DMD: variants seen among roughly 807,000 people sequenced by gnomAD.
DMD encodes the protein dystrophin.
DMD carries 63 observed loss-of-function variants against 330.1 expected under a neutral mutation model. That is an observed-to-expected ratio of 0.19 (90% CI 0.16 to 0.24). The LOEUF (loss-of-function observed/expected upper bound fraction) is 0.24, where lower values mean the gene tolerates loss of function less well. Among genes scored for constraint, DMD ranks in the 10% least tolerant of loss-of-function variants. The probability of loss-of-function intolerance (pLI) is 1.00; values close to 1 mark genes in which losing one functional copy is unlikely to be tolerated. For synonymous variants in DMD, 1,223 were observed against 959.8 expected (o/e 1.27, Z -5.07); for missense variants, 3,344 against 2,684.1 (o/e 1.25, Z -5.43).
At chrX:33,041,254 T>C in intron 1 of DMD, 1 of 539,151 alleles carries the variant, frequency 1.9e-6, no homozygotes, top group Non-Finnish European at 3.1e-6. Flanking sequence ...CTATAATGAT[T>C]TATTATAAAA....
At chrX:31,252,946 G>A (rs1420443245) in intron 63 of DMD, among the ~76,000 whole-genome samples, 1 of 110,551 alleles carries the variant, frequency 9.0e-6, no homozygotes, top group Non-Finnish European at 1.9e-5. Flanking sequence ...AGATGAGATC[G>A]TGCAACTGCA....
At chrX:32,773,270 T>G (rs756734063) in intron 7 of DMD, among the ~76,000 whole-genome samples, 1 of 110,531 alleles carries the variant, frequency 9.0e-6, no homozygotes, top group Admixed American at 9.6e-5. Context: ...TCGTTAATTA[T>G]TTTAGTTATT....
At chrX:33,059,756 T>A (rs1023886950) in intron 1 of DMD, among the ~76,000 whole-genome samples, 1 of 112,171 alleles carries the variant, frequency 8.9e-6, no homozygotes, top group Non-Finnish European at 1.9e-5. Context: ...AGGTATGTTA[T>A]AGAATAGAAA....
At chrX:32,423,853 A>T (rs1484974209) in intron 29 of DMD, among the ~76,000 whole-genome samples, 1 of 110,972 alleles carries the variant, frequency 9.0e-6, no homozygotes, top group Non-Finnish European at 1.9e-5. Flanking sequence ...AATATTATTA[A>T]AAACAAGAAT....
At chrX:32,370,560 T>C (rs1001597649) in intron 34 of DMD, among the ~76,000 whole-genome samples, 1 of 110,918 alleles carries the variant, frequency 9.0e-6, no homozygotes. Context: ...TGACAGTGAA[T>C]AGTGACTCCA....
intron 63 of DMD, among the ~76,000 whole-genome samples, chrX:31,228,275 T>TAAAAAAAAAAAAAAAAAAAAAAAAAAAAA (rs779738772): frequency 2.4e-5 from 2 of 83,988 alleles, no homozygotes; most frequent in Non-Finnish European, 4.8e-5. Flanking sequence ...AATAAAAAAA[T>TAAAAAAAAAAAAAAAAAAAAAAAAAAAAA]AAAAAAAAAA....
chrX:32,686,167 A>G lies in DMD; in HGVS notation c.960+11703T>C, dbSNP rs141035373. Among the ~76,000 whole-genome samples, 844 of 111,875 alleles carry G rather than the reference A, an allele frequency of 7.5e-3. 5 individuals are homozygous for G. Among genetic ancestry groups the G allele is most frequent in the Non-Finnish European group, 0.012 (614 of 53,180 alleles). ...ACATTTTTTCACTGATATTATTTGT[A>G]GATAAAGACCACAATATGCAAGGAT... On this transcript the variant is annotated intron_variant, in intron 9 of 78. Transcript: ENST00000357033.
intron 2 of DMD, among the ~76,000 whole-genome samples, chrX:32,983,528 TACACACACACACACACACACACAC>T (rs561986393): frequency 2.7e-5 from 2 of 73,576 alleles, no homozygotes; most frequent in South Asian, 8.6e-4. Context: ...CAGAACTAAA[TACACACACACACACACACACACAC>T]ACACACACAC....
intron 16 of DMD, among the ~76,000 whole-genome samples, chrX:32,547,929 A>G (rs1443717030): frequency 3.6e-5 from 4 of 111,734 alleles, no homozygotes; most frequent in Non-Finnish European, 7.5e-5. Context: ...AGTAAATTGA[A>G]TATCATTTCT....
intron 47 of DMD, among the ~76,000 whole-genome samples, chrX:31,912,788 A>C (rs1431097116): frequency 8.9e-6 from 1 of 111,860 alleles, no homozygotes; most frequent in Non-Finnish European, 1.9e-5. Context: ...TGGCAGCCCC[A>C]CAATTAATCA....
At chrX:32,257,818 G>C (rs745765041) in intron 43 of DMD, among the ~76,000 whole-genome samples, 1 of 111,514 alleles carries the variant, frequency 9.0e-6, no homozygotes, top group Admixed American at 9.5e-5. Flanking sequence ...TTGACAAATG[G>C]GATCTAATGA....
chrX:32,899,244 T>C (rs745491260), intron 2 of DMD, among the ~76,000 whole-genome samples: 2 of 112,384 alleles, frequency 1.8e-5, no homozygotes, highest in Non-Finnish European at 3.8e-5. Flanking sequence ...CTTCACCTAT[T>C]TCCATTCCCT....
At chrX:31,707,565 G>T (rs1388119480) in intron 52 of DMD, among the ~76,000 whole-genome samples, 1 of 110,814 alleles carries the variant, frequency 9.0e-6, no homozygotes, top group South Asian at 3.8e-4. Flanking sequence ...TCAGCATCAT[G>T]CAATACTCCC....
chrX:32,576,990 C>T (rs1358645363), intron 13 of DMD, among the ~76,000 whole-genome samples: 2 of 111,491 alleles, frequency 1.8e-5, no homozygotes, highest in African/African-American at 6.5e-5. Flanking sequence ...GAAGATGTTA[C>T]AGGCTCAATT....
intron 44 of DMD, among the ~76,000 whole-genome samples, chrX:32,165,108 G>A (rs918590034): frequency 6.2e-5 from 7 of 112,417 alleles, no homozygotes; most frequent in African/African-American, 2.3e-4. Flanking sequence ...GAAATGTGGG[G>A]TTGGAGCCCC....
intron 9 of DMD, among the ~76,000 whole-genome samples, chrX:32,681,565 C>T (rs1487691491): frequency 9.0e-6 from 1 of 111,684 alleles, no homozygotes; most frequent in Non-Finnish European, 1.9e-5. Flanking sequence ...AAACCCTGAA[C>T]AATATATTAG....
At chrX:31,614,915 T>C (rs2078116146) in intron 55 of DMD, among the ~76,000 whole-genome samples, 1 of 112,175 alleles carries the variant, frequency 8.9e-6, no homozygotes, top group Admixed American at 9.4e-5. Flanking sequence ...TGTTTTATTA[T>C]CAGAATTATG....
chrX:31,452,764 G>C (rs1315211566), intron 59 of DMD, among the ~76,000 whole-genome samples: 1 of 112,097 alleles, frequency 8.9e-6, no homozygotes, highest in Non-Finnish European at 1.9e-5. Context: ...AATAAAAGCC[G>C]AATTATATCT....
chrX:32,835,297 C>A (rs2079520410), intron 4 of DMD, among the ~76,000 whole-genome samples: 1 of 111,879 alleles, frequency 8.9e-6, no homozygotes. Context: ...CTGGGATTTG[C>A]TTTACCTTCA....
Sources: allele counts gnomAD v4.1 joint callset (sites outside exome capture counted in the v4.1 genomes callset), GRCh38; gene constraint gnomAD v4.1.1; transcripts MANE v1.5; gene names NCBI Gene and HGNC (gene_info 2026-07-23, HGNC 2026-07-21).